The following TFE3 variants were observed in gnomAD, a reference collection of about 807,000 sequenced individuals.
TFE3 encodes the protein transcription factor E3.
In TFE3, 5 loss-of-function variants were observed where a neutral mutation model predicts 35.0. The observed-to-expected ratio is 0.14, with a 90% CI of 0.07 to 0.30. The LOEUF (loss-of-function observed/expected upper bound fraction) is 0.30. Among genes scored for constraint, TFE3 ranks in the 10% least tolerant of loss-of-function variants. TFE3 has a pLI of 1.00. For synonymous variants in TFE3, 211 were observed against 215.6 expected (o/e 0.98, Z 0.18); for missense variants, 374 against 496.6 (o/e 0.75, Z 2.35).
intron 8 of TFE3, 129 bp downstream of exon 8, chrX:49,033,336 G>T: frequency 1.7e-6 from 1 of 596,522 alleles, no homozygotes; most frequent in Non-Finnish European, 2.6e-6. Context: ...TGCTCAGGCT[G>T]AGAAAGAACC....
chrX:49,039,582 G>A (rs1298935446), intron 2 of TFE3, among the ~76,000 whole-genome samples, 172 bp from the exon 3 acceptor site: 3 of 111,477 alleles, frequency 2.7e-5, no homozygotes, highest in South Asian at 7.5e-4. Flanking sequence ...TGGCTCTCAG[G>A]GGTCACAGTC....
chrX:49,035,654 G>A (rs907937896), intron 5 of TFE3, among the ~76,000 whole-genome samples: 1 of 107,307 alleles, frequency 9.3e-6, no homozygotes, highest in Admixed American at 1.0e-4. Context: ...TGATCTGCCC[G>A]CCTCAGCCTC....
intron 5 of TFE3, among the ~76,000 whole-genome samples, chrX:49,034,972 C>G (rs1462990102): frequency 1.9e-5 from 2 of 107,212 alleles, no homozygotes; most frequent in African/African-American, 6.8e-5. Flanking sequence ...TTTTTCCTCT[C>G]CTTCACACTT....
At chrX:49,042,499 G>A (rs1157447093) in intron 1 of TFE3, among the ~76,000 whole-genome samples, 3 of 111,518 alleles carry the variant, frequency 2.7e-5, no homozygotes, top group Non-Finnish European at 5.7e-5. Context: ...TTCTGGTCAA[G>A]TCTTGCTGAA....
At chrX:49,040,827 C>T (rs782366463) in intron 1 of TFE3, among the ~76,000 whole-genome samples, 11 of 108,039 alleles carry the variant, frequency 1.0e-4, no homozygotes, top group Non-Finnish European at 1.7e-4. Flanking sequence ...CCAACCCCCA[C>T]ACTGTAACAA....
At position 49,040,137 on chromosome X, in the gene TFE3, A is replaced by G. The variant is rs782247742; in HGVS notation, c.230+318T>C. Among the ~76,000 whole-genome samples the G allele has an allele frequency of 2.4e-3, 268 of 110,394 alleles. 1 individual carries two copies. The highest frequency in any genetic ancestry group is 2.6e-3 in the Non-Finnish European group (137 of 52,781). On this transcript the variant is annotated intron_variant, in intron 2 of 9. Transcript: ENST00000315869. ...GGCATGTCCCCGCCCACCCGGGGAC[A>G]TGAGTTTAAGCAGGCCACGCCCTAT...
intron 3 of TFE3, among the ~76,000 whole-genome samples, chrX:49,038,733 C>G (rs2064744420): frequency 9.1e-6 from 1 of 110,409 alleles, no homozygotes; most frequent in Non-Finnish European, 1.9e-5. Flanking sequence ...CACCTAGTCT[C>G]TGACACCACC....
chrX:49,038,656 A>G (rs1424246718), intron 3 of TFE3, among the ~76,000 whole-genome samples: 1 of 110,426 alleles, frequency 9.1e-6, no homozygotes, highest in African/African-American at 3.3e-5. Context: ...AGCTGCCAAG[A>G]TCCACCCATG....
chrX:49,034,183 G>A lies in TFE3; in HGVS notation c.954C>T (p.Val318=). 8.3e-7 allele frequency: 1 copy of A among 1,210,825 alleles called. No individual in the cohort carries two copies. The highest frequency in any genetic ancestry group is 1.1e-6 in the Non-Finnish European group (1 of 894,909). Residue 318 remains valine, a synonymous_variant, in exon 6 of 10, where the codon GTC becomes GTT. Transcript: ENST00000315869. ...GCAGCTCAGCTGGGCAGGAGTTGCTGACAGTGATGGCTGGTGTGGCCACGC... is the reference window on the plus strand; with the variant it reads ...GCAGCTCAGCTGGGCAGGAGTTGCTAACAGTGATGGCTGGTGTGGCCACGC... ...SQGVATPAIT[V]SNSCPAELPN...
rs2064741280 is a variant in TFE3, at chrX:49,038,242, G to A, written c.735C>T (p.Asn245=). 8.3e-7 allele frequency: 1 copy of A among 1,209,437 alleles called. No individual in the cohort carries two copies. Among genetic ancestry groups the A allele is most frequent in the African/African-American group, 1.7e-5 (1 of 57,467 alleles). ...HTTGPTGSAP[N]SPMALLTIGS... ...CGATGGTGAGCAGCGCCATGGGGCT[G>A]TTGGGCGCACTGCCTGTGGGGCCGG... Residue 245 remains asparagine, a synonymous_variant, in exon 4 of 10, where the codon AAC becomes AAT. Coordinates refer to ENST00000315869, the MANE Select transcript of TFE3 (RefSeq NM_006521.6).
chrX:49,029,158 GGT>G lies in TFE3; in HGVS notation c.*998_*999del. 5.7e-6 allele frequency: 1 copy of G among 174,035 alleles called. No homozygotes were observed. The highest frequency in any genetic ancestry group is 1.1e-5 in the Non-Finnish European group (1 of 90,830). The allele number at this position is 174,035 out of a possible 1,213,427, so 14.3% of individuals were successfully genotyped here. ...AAAAGAATACTGAGGTACTGGTTCTGGTAACCTGAACTCAGTCCCCCACTAAT... is the reference window on the plus strand; with the variant it reads ...AAAAGAATACTGAGGTACTGGTTCTGAACCTGAACTCAGTCCCCCACTAAT... On this transcript the variant is annotated 3_prime_UTR_variant, in exon 10 of 10. Coordinates refer to ENST00000315869, the MANE Select transcript of TFE3 (RefSeq NM_006521.6).
Position 49,043,102 on chromosome X carries a change from G to GCC in TFE3, c.116+7_116+8dup. The GCC allele has an allele frequency of 8.6e-7, 1 of 1,159,291 alleles. No individual in the cohort carries two copies. Among genetic ancestry groups the GCC allele is most frequent in the Non-Finnish European group, 1.1e-6 (1 of 870,275 alleles). ...CAGTCGGCACTCCCAGCCCCAGGCG[G>GCC]CCCCGCACCTGAGCAGCTGAGCCGA... On this transcript the variant is annotated intron_variant, in intron 1 of 9. Transcript: ENST00000315869.
At chrX:49,039,036 C>T (rs781939201) in intron 3 of TFE3, 71 bp downstream of exon 3, 1 of 1,055,447 alleles carries the variant, frequency 9.5e-7, no homozygotes, top group Non-Finnish European at 1.2e-6. Flanking sequence ...GCATCGAGGC[C>T]ATCCCTAGCT....
Position 49,043,282 on chromosome X carries a change from C to A in TFE3, c.-56G>T. The A allele has an allele frequency of 1.0e-6, 1 of 959,552 alleles. No homozygotes were observed. Among genetic ancestry groups the A allele is most frequent in the Non-Finnish European group, 1.4e-6 (1 of 716,458 alleles). 79.1% of individuals were successfully genotyped at this position (959,552 alleles called of 1,213,427 possible). ...CCGGTCGGGCCTCGGCCCGGTCCCC[C>A]TAACAAAATAAGAGTCCCCCCTCCC... On this transcript the variant is annotated 5_prime_UTR_variant, in exon 1 of 10. It adds an upstream start codon to the 5' untranslated region. Transcript: ENST00000315869.
chrX:49,039,401 T>C lies in TFE3; in HGVS notation c.240A>G (p.Ile80Met). The C allele has an allele frequency of 8.5e-7, 1 of 1,179,770 alleles. No individual in the cohort carries two copies. The highest frequency in any genetic ancestry group is 1.9e-5 in the South Asian group (1 of 52,800). ...GGGTGGCTGGTGTGGCCTGCAGTGATATTGGGAGGCTGTGGAATGGGAAAT... is the reference window on the plus strand; with the variant it reads ...GGGTGGCTGGTGTGGCCTGCAGTGACATTGGGAGGCTGTGGAATGGGAAAT... ...QPLPLRSSLP[I>M]SLQATPATPA... is the part of the protein sequence containing the mutation. Residue 80 changes from isoleucine to methionine, a missense_variant, in exon 3 of 10, where the codon ATA becomes ATG. By Grantham distance (10) the Ile-to-Met change is conservative (BLOSUM62 1). This residue lies in a region of TFE3 where 90 missense variants were observed against 87.5 expected (regional missense o/e 1.03). Transcript: ENST00000315869.
intron 5 of TFE3, among the ~76,000 whole-genome samples, chrX:49,035,253 T>G (rs1262498835): frequency 9.6e-6 from 1 of 104,303 alleles, no homozygotes; most frequent in Non-Finnish European, 2.0e-5. Context: ...ACCCAGGAGG[T>G]AGAGGTTGCA....
chrX:49,037,812 T>TACATGGTCCACCTCTCAACACAGTCC, intron 5 of TFE3, 198 bp downstream of exon 5: 1 of 420,312 alleles, frequency 2.4e-6, no homozygotes, highest in South Asian at 3.7e-5. Context: ...TCTCACAGTC[T>TACATGGTCCACCTCTCAACACAGTCC]ACATGGTCCA....
rs782080222 is a variant in TFE3, at chrX:49,030,294, CCCT to C, written c.1589_1591del (p.Glu530del). 763 of 1,201,310 alleles carry C rather than the reference CCCT, an allele frequency of 6.4e-4. No homozygotes were observed. The highest frequency in any genetic ancestry group is 8.2e-4 in the Non-Finnish European group (732 of 889,574). On this transcript the variant is annotated inframe_deletion, in exon 10 of 10. Transcript: ENST00000315869. ...ACCCCCCGACAGTCCTCCCACCACC[CCCT>C]CCTCCTCCTCCATCAGAATGTCCTC...
Position 49,029,339 on chromosome X carries a change from CTAGGT to C in TFE3, c.*814_*818del, listed in dbSNP as rs1239676249. 6 of 187,116 alleles carry C rather than the reference CTAGGT, an allele frequency of 3.2e-5. No homozygotes were observed. Among genetic ancestry groups the C allele is most frequent in the African/African-American group, 1.7e-4 (6 of 34,881 alleles). 15.4% of individuals were successfully genotyped at this position (187,116 alleles called of 1,213,427 possible). A position where few individuals can be genotyped will look rare whatever the true frequency, so the allele number is the denominator to read the frequency against. ...AGAGCAAGGTTGGCTCAGAGCCCTC[CTAGGT>C]TAGGTCAGGTTGGTCCCAGGTTAAG... On this transcript the variant is annotated 3_prime_UTR_variant, in exon 10 of 10. Coordinates refer to ENST00000315869, the MANE Select transcript of TFE3 (RefSeq NM_006521.6).
Sources: gnomAD v4.1 joint callset for allele counts (sites outside exome capture counted in the v4.1 genomes callset) on GRCh38, gnomAD v4.1.1 for gene constraint, gnomAD v4.1.1 regional missense constraint, MANE v1.5 for transcripts, NCBI Gene and HGNC (gene_info 2026-07-23, HGNC 2026-07-21) for gene names.